TUBGCP3: variants seen among roughly 807,000 people sequenced by gnomAD.
The protein encoded by TUBGCP3 is tubulin gamma complex component 3, also known as gamma-tubulin complex component 3.
Under a neutral mutation model 123.1 loss-of-function variants are expected in TUBGCP3, and 50 were observed. That is an observed-to-expected ratio of 0.41 (90% CI 0.32 to 0.51). The LOEUF is 0.51. Among genes scored for constraint, TUBGCP3 ranks in the 20% least tolerant of loss-of-function variants. TUBGCP3 has a pLI of 0.36. For synonymous variants in TUBGCP3, 405 were observed against 413.9 expected, an observed-to-expected ratio of 0.98 and a Z score of 0.26; for missense variants, 882 against 1,127.0, an observed-to-expected ratio of 0.78 and a Z score of 3.11.
rs551568244 is a variant in TUBGCP3, at chr13:112,526,597, CCAT to C, written c.1555+342_1555+344del. 2.4e-3 allele frequency among the ~76,000 whole-genome samples: 322 copies of C among 136,814 alleles called. 2 individuals carry two copies. The highest frequency in any genetic ancestry group is 7.9e-3 in the African/African-American group (272 of 34,518). 89.8% of individuals were successfully genotyped at this position (136,814 alleles called of 152,430 possible). ...TAATCACACCATCACCACATCATCA[CCAT>C]CATCATCATCACCATCATCACTACC... On this transcript the variant is annotated intron_variant, in intron 13 of 21. Transcript: ENST00000261965.
At chr13:112,502,812 T>C (rs1170127926) in intron 19 of TUBGCP3, among the ~76,000 whole-genome samples, 1 of 152,104 alleles carries the variant, frequency 6.6e-6, no homozygotes, top group African/African-American at 2.4e-5. Context: ...CCCAAAGTGC[T>C]GGGATTACAG....
rs2043347597 is a variant in TUBGCP3, at chr13:112,485,057, T to C, written c.*936A>G. The C allele has an allele frequency of 1.3e-5, 2 of 152,530 alleles. No individual in the cohort carries two copies. Among genetic ancestry groups the C allele is most frequent in the African/African-American group, 4.8e-5 (2 of 41,422 alleles). The allele number at this position is 152,530 out of a possible 1,614,324, so 9.4% of individuals were successfully genotyped here. On this transcript the variant is annotated 3_prime_UTR_variant, in exon 22 of 22. Coordinates refer to ENST00000261965, the MANE Select transcript of TUBGCP3 (RefSeq NM_006322.6). Reference sequence around the variant, plus strand: ...TTTCTAAATTTTCACTTATGCAACATAAAGGCAGATTTATGTGACCTGATA... The same window carrying C: ...TTTCTAAATTTTCACTTATGCAACACAAAGGCAGATTTATGTGACCTGATA...
In TUBGCP3 at chr13:112,502,460, G is replaced by A. The variant is rs115118975; in HGVS notation, c.2307+1572C>T. Reference sequence around the variant, plus strand: ...AACGGCTGGCAGGCAGCATGAAACCGTCTGTGGTTTTACTCCGATAACAAG... The same window carrying A: ...AACGGCTGGCAGGCAGCATGAAACCATCTGTGGTTTTACTCCGATAACAAG... On this transcript the variant is annotated intron_variant, in intron 19 of 21. Transcript: ENST00000261965. Among the ~76,000 whole-genome samples the A allele has an allele frequency of 4.9e-3, 748 of 152,100 alleles. 8 individuals are homozygous for A. The highest frequency in any genetic ancestry group is 0.017 in the African/African-American group (717 of 41,470).
At chr13:112,572,503 G>C (rs1881488804) in intron 1 of TUBGCP3, among the ~76,000 whole-genome samples, 2 of 151,914 alleles carry the variant, frequency 1.3e-5, no homozygotes, top group Non-Finnish European at 2.9e-5. Context: ...CCACTTATGA[G>C]TGAGAAGGTC....
At chr13:112,548,580 T>C (rs1879269380) in intron 8 of TUBGCP3, among the ~76,000 whole-genome samples, 1 of 152,188 alleles carries the variant, frequency 6.6e-6, no homozygotes, top group African/African-American at 2.4e-5. Context: ...TTTTACAATC[T>C]ACCCTTCTGA....
the TUBGCP3 span, among the ~76,000 whole-genome samples, chr13:112,598,554 T>C: frequency 4.6e-5 from 7 of 152,206 alleles, no homozygotes; most frequent in Non-Finnish European, 1.0e-4. Flanking sequence ...AAAAGTACCA[T>C]TTATATTAAA....
chr13:112,516,190 T>C (rs966814179), intron 17 of TUBGCP3, among the ~76,000 whole-genome samples: 2 of 152,244 alleles, frequency 1.3e-5, no homozygotes, highest in African/African-American at 4.8e-5. Flanking sequence ...AAACACTGTA[T>C]GGATTTTAAA....
Position 112,511,826 on chromosome 13 carries a change from C to T in TUBGCP3, c.2086+4614G>A, listed in dbSNP as rs1450544816. On this transcript the variant is annotated intron_variant, in intron 17 of 21. Transcript: ENST00000261965. This position sits in a 1 kb window ranked among gnomAD's most constrained non-coding sequence, Gnocchi z 4.1. ...TAGGGAGGTTTGACTGTGGTATCTC[C>T]GAAGTGCCTTCTACTTGAAAGCTTT... 6.6e-6 allele frequency among the ~76,000 whole-genome samples: 1 copy of T among 152,066 alleles called. No individual in the cohort carries two copies. Among genetic ancestry groups the T allele is most frequent in the Non-Finnish European group, 1.5e-5 (1 of 68,016 alleles).
In TUBGCP3 at chr13:112,564,892, G is replaced by A. The variant is rs114752439; in HGVS notation, c.252+219C>T. On this transcript the variant is annotated intron_variant, in intron 3 of 21. Transcript: ENST00000261965. ...CACAAATTCTGTTGACTTTCCCTGT[G>A]CAGCTTCATTCATCTTTATAAGCAA... Among the ~76,000 whole-genome samples, 876 of 152,244 alleles carry A rather than the reference G, an allele frequency of 5.8e-3. 9 individuals are homozygous for A. Among genetic ancestry groups the A allele is most frequent in the African/African-American group, 0.02 (842 of 41,530 alleles).
At chr13:112,550,913 A>ATG (rs1879518251) in intron 8 of TUBGCP3, among the ~76,000 whole-genome samples, 2 of 152,212 alleles carry the variant, frequency 1.3e-5, no homozygotes, top group Admixed American at 6.5e-5. Context: ...CCTGGCTAAC[A>ATG]CAGTGAAACC....
chr13:112,536,913 A>T (rs762823740), intron 11 of TUBGCP3, among the ~76,000 whole-genome samples: 140 of 152,074 alleles, frequency 9.2e-4, no homozygotes, highest in Non-Finnish European at 1.6e-3. Flanking sequence ...CTAGGACTAC[A>T]GGTGTGCACC....
At chr13:112,588,918 G>A (rs932331916), upstream of TUBGCP3, among the ~76,000 whole-genome samples, 5 of 152,222 alleles carry the variant, frequency 3.3e-5, no homozygotes, top group South Asian at 6.2e-4. Flanking sequence ...TGCAAAGCCC[G>A]TCGGGCCTGG....
At chr13:112,600,936 C>G in the TUBGCP3 span, among the ~76,000 whole-genome samples, 1 of 151,862 alleles carries the variant, frequency 6.6e-6, no homozygotes, top group African/African-American at 2.4e-5. Flanking sequence ...ACCTGTAATC[C>G]CAGCACTTTG....
In TUBGCP3 at chr13:112,489,660, T is replaced by C. The variant is rs1879939831; in HGVS notation, c.2486A>G (p.Glu829Gly). The C allele has an allele frequency of 6.2e-7, 1 of 1,614,148 alleles. No individual in the cohort carries two copies. Among genetic ancestry groups the C allele is most frequent in the Non-Finnish European group, 8.5e-7 (1 of 1,180,010 alleles). ...WGVTAAEEEE[E>G]NKRIGEFKES... is the part of the protein sequence containing the mutation. ...TTTAAATTCTCCAATCCTCTTATTT[T>C]CCTCCTCTTCCTCTGCTGCCGTCAC... is the stretch of plus-strand genomic sequence containing the variant. Residue 829 changes from glutamate (E) to glycine (G), a missense_variant, in exon 21 of 22, where the codon GAA becomes GGA. By Grantham distance (98) the Glu-to-Gly change is moderately conservative. This residue lies in a region of TUBGCP3 where 160 missense variants were observed against 220.3 expected (regional missense o/e 0.73). Transcript: ENST00000261965.
At chr13:112,497,709 C>A (rs1278881899) in intron 20 of TUBGCP3, among the ~76,000 whole-genome samples, 1 of 152,220 alleles carries the variant, frequency 6.6e-6, no homozygotes, top group Middle Eastern at 3.2e-3. Context: ...ACAGCCTATG[C>A]TCCTAGGCTA....
chr13:112,586,407 A>G (rs538819076), intron 1 of TUBGCP3, among the ~76,000 whole-genome samples: 13 of 152,332 alleles, frequency 8.5e-5, no homozygotes, highest in Non-Finnish European at 1.9e-4. Context: ...AAGGTGGGTA[A>G]GTCCTAACAA....
chr13:112,512,966 T>C (rs1345167554), intron 17 of TUBGCP3, among the ~76,000 whole-genome samples: 1 of 152,238 alleles, frequency 6.6e-6, no homozygotes, highest in South Asian at 2.1e-4. Context: ...TTCATCTTGA[T>C]TCTTCATGAA....
intron 20 of TUBGCP3, among the ~76,000 whole-genome samples, chr13:112,497,805 T>C (rs1427858865): frequency 6.6e-6 from 1 of 152,150 alleles, no homozygotes; most frequent in Non-Finnish European, 1.5e-5. Flanking sequence ...ATATCTAACA[T>C]AGAAAAGGTA....
Position 112,502,390 on chromosome 13 carries a change from C to T in TUBGCP3, c.2307+1642G>A, listed in dbSNP as rs771595533. On this transcript the variant is annotated intron_variant, in intron 19 of 21. Coordinates refer to ENST00000261965, the MANE Select transcript of TUBGCP3 (RefSeq NM_006322.6). ...CTATTTGTTACACTGACTTCCTAAA[C>T]GTGTGCGGACAATGCTTGTCGGCAT... is the stretch of plus-strand genomic sequence containing the variant. Among the ~76,000 whole-genome samples, 10 of 152,276 alleles carry T rather than the reference C, an allele frequency of 6.6e-5. 1 individual carries two copies. Among genetic ancestry groups the T allele is most frequent in the Middle Eastern group, 6.8e-3 (2 of 294 alleles).
Sources: gnomAD v4.1 joint callset for allele counts (sites outside exome capture counted in the v4.1 genomes callset) on GRCh38, gnomAD v4.1.1 for gene constraint, gnomAD v4.1.1 regional missense constraint, Gnocchi (gnomAD v3.1) non-coding constraint, MANE v1.5 for transcripts, NCBI Gene and HGNC (gene_info 2026-07-23, HGNC 2026-07-21) for gene names.